Variants in ATAD5 observed in about 807,000 individuals in gnomAD.
The protein encoded by ATAD5 is ATPase family AAA domain-containing protein 5.
ATAD5 carries 58 observed loss-of-function variants against 176.9 expected under a neutral mutation model. That is an observed-to-expected ratio of 0.33 (90% confidence interval 0.27 to 0.41). The LOEUF is 0.41. Among genes scored for constraint, ATAD5 ranks in the 10% least tolerant of loss-of-function variants. The pLI is 1.00. For missense variants in ATAD5, 1,789 were observed against 2,094.1 expected, an observed-to-expected ratio of 0.85 and a Z score of 2.84; for synonymous variants, 640 against 712.6, an observed-to-expected ratio of 0.90 and a Z score of 1.62.
Position 30,893,680 on chromosome 17 carries a change from A to C in ATAD5, c.4827A>C (p.Glu1609Asp). Reference protein sequence around the residue: ...SNAEESKTGDEESKARDKGNN... With the variant: ...SNAEESKTGDDESKARDKGNN... Reference sequence around the variant, plus strand: ...CAGAAGAAAGCAAAACCGGAGACGAAGAAAGCAAAGCCAGAGACAAAGGAA... The same window carrying C: ...CAGAAGAAAGCAAAACCGGAGACGACGAAAGCAAAGCCAGAGACAAAGGAA... The change falls in exon 21 of 23, where the codon GAA (glutamate) becomes GAC (aspartate). Residue 1609 changes from glutamate to aspartate, a missense_variant. By Grantham distance (45) the Glu-to-Asp change is conservative (BLOSUM62 2). Around this residue, in one of 6 missense-constraint regions of ATAD5, gnomAD observed 403 missense variants for 495.1 expected, o/e 0.81. Coordinates refer to ENST00000321990, the MANE Select transcript of ATAD5 (RefSeq NM_024857.5). 6.2e-7 allele frequency: 1 copy of C among 1,613,386 alleles called. No homozygotes were observed. Among genetic ancestry groups the C allele is most frequent in the Non-Finnish European group, 8.5e-7 (1 of 1,179,764 alleles).
intron 6 of ATAD5, among the ~76,000 whole-genome samples, chr17:30,846,396 G>GTTTTTTTT (rs11324585): frequency 7.0e-6 from 1 of 143,272 alleles, no homozygotes; most frequent in Non-Finnish European, 1.5e-5. Flanking sequence ...AGAGTTTGAG[G>GTTTTTTTT]TTTTTTTTTT....
intron 9 of ATAD5, among the ~76,000 whole-genome samples, chr17:30,860,222 C>T (rs955048073): frequency 6.6e-6 from 1 of 152,104 alleles, no homozygotes; most frequent in Non-Finnish European, 1.5e-5. Flanking sequence ...TGGAGTTTCC[C>T]CATGTTACCG....
chr17:30,858,220 T>C lies in ATAD5; in HGVS notation c.2853T>C (p.Ile951=). 6.3e-7 allele frequency: 1 copy of C among 1,596,676 alleles called. No homozygotes were observed. Among genetic ancestry groups the C allele is most frequent in the Admixed American group, 1.7e-5 (1 of 57,422 alleles). Residue 951 remains isoleucine, a synonymous_variant, in exon 9 of 23, where the codon ATT becomes ATC. Coordinates refer to ENST00000321990, the MANE Select transcript of ATAD5 (RefSeq NM_024857.5). ...TAAGAAATCTTTTGCTTGAGGAAAT[T>C]AGGTGGTCAAATCCTGAATTTTCAT... is the stretch of plus-strand genomic sequence containing the variant. ...EEVRNLLLEE[I]RWSNPEFSLK... is the part of the protein sequence containing the mutation.
chr17:30,850,833 TTA>T (rs1312470807), intron 6 of ATAD5, among the ~76,000 whole-genome samples: 748 of 27,758 alleles, frequency 0.027, 5 homozygotes, highest in Non-Finnish European at 0.033. Context: ...TTATATATTT[TTA>T]TATATATATA....
chr17:30,880,523 G>A (rs527428113), intron 18 of ATAD5, among the ~76,000 whole-genome samples: 1 of 151,568 alleles, frequency 6.6e-6, no homozygotes, highest in African/African-American at 2.4e-5. Context: ...CAGGAGAATC[G>A]CTTGAATTTG....
At position 30,860,564 on chromosome 17, in the gene ATAD5, C is replaced by G; in HGVS notation, c.3088C>G (p.Leu1030Val). The G allele has an allele frequency of 6.3e-7, 1 of 1,586,158 alleles. No homozygotes were observed. The highest frequency in any genetic ancestry group is 8.5e-7 in the Non-Finnish European group (1 of 1,173,742). Residue 1030 changes from leucine (L) to valine (V), a missense_variant, in exon 10 of 23, where the codon CTT becomes GTT. Leu to Val is a conservative substitution (Grantham distance 32). Transcript: ENST00000321990. ...GAAGACCAATAGGAAGTCAGAAGAA[C>G]TTAGCAAAAGAAACAACTCTTCTGG... ...LEKTNRKSEE[L>V]SKRNNSSGIK...
At chr17:30,867,265 T>A (rs1908054094) in intron 11 of ATAD5, among the ~76,000 whole-genome samples, 1 of 152,022 alleles carries the variant, frequency 6.6e-6, no homozygotes, top group African/African-American at 2.4e-5. Context: ...CTGGGAATGA[T>A]GGCGCCCACT....
chr17:30,839,665 G>A (rs549507592), intron 3 of ATAD5, among the ~76,000 whole-genome samples: 4 of 9,734 alleles, frequency 4.1e-4, no homozygotes, highest in East Asian at 5.7e-3. Context: ...CTGCAACCTC[G>A]GCTTCCTGGG....
At chr17:30,833,439 C>T (rs189758885) in intron 1 of ATAD5, among the ~76,000 whole-genome samples, 1 of 151,960 alleles carries the variant, frequency 6.6e-6, no homozygotes, top group East Asian at 1.9e-4. Context: ...TAATAGCAAC[C>T]CTATGATCTA....
chr17:30,885,623 CTTTTTTTT>C (rs778733612), intron 18 of ATAD5, among the ~76,000 whole-genome samples: 41 of 93,800 alleles, frequency 4.4e-4, no homozygotes, highest in African/African-American at 1.0e-3. Context: ...TTCCAACTTT[CTTTTTTTT>C]TTTTTTTTTT....
chr17:30,858,312 A>T lies in ATAD5; in HGVS notation c.2945A>T (p.His982Leu), dbSNP rs1286705545. The T allele has an allele frequency of 5.9e-6, 9 of 1,532,698 alleles. No homozygotes were observed. Among genetic ancestry groups the T allele is most frequent in the African/African-American group, 1.4e-5 (1 of 71,926 alleles). The allele number at this position is 1,532,698 out of a possible 1,614,324, so 94.9% of individuals were successfully genotyped here. Residue 982 changes from histidine to leucine, a missense_variant, in exon 9 of 23, where the codon CAT (histidine) becomes CTT (leucine). Coordinates refer to ENST00000321990, the MANE Select transcript of ATAD5 (RefSeq NM_024857.5). ...IEHQVLSSEC[H>L]SKQELEADVS... The stretch of plus-strand genomic sequence containing the variant: ...CACCAAGTACTTTCTTCCGAGTGTC[A>T]TAGTAAACAAGGTTAGTGATAATTA...
Position 30,834,214 on chromosome 17 carries a change from C to A in ATAD5, c.133C>A (p.Pro45Thr). Residue 45 changes from proline to threonine, a missense_variant, in exon 2 of 23, where the codon CCA (proline) becomes ACA (threonine). Physicochemically the swap from Pro to Thr is conservative, Grantham distance 38 (BLOSUM62 -1). Transcript: ENST00000321990. ...TCKTITKYLS[P>T]LGKTRDRVFA... Reference sequence around the variant, plus strand: ...CAAAACAATTACAAAATATTTATCACCACTAGGGAAGACTAGAGACAGGGT... The same window carrying A: ...CAAAACAATTACAAAATATTTATCAACACTAGGGAAGACTAGAGACAGGGT... 6.2e-7 allele frequency: 1 copy of A among 1,609,642 alleles called. No homozygotes were observed. Among genetic ancestry groups the A allele is most frequent in the Non-Finnish European group, 8.5e-7 (1 of 1,178,824 alleles).
At chr17:30,833,208 G>C (rs1348086551) in intron 1 of ATAD5, among the ~76,000 whole-genome samples, 1 of 121,854 alleles carries the variant, frequency 8.2e-6, no homozygotes, top group African/African-American at 2.8e-5. Flanking sequence ...CTACTTAGTT[G>C]TTATGCTGAT....
At position 30,893,981 on chromosome 17, in the gene ATAD5, G is replaced by A. The variant is rs746544793; in HGVS notation, c.5128G>A (p.Ala1710Thr). Residue 1710 changes from alanine to threonine, a missense_variant, in exon 21 of 23, where the codon GCA becomes ACA. Physicochemically the swap from Ala to Thr is moderately conservative, Grantham distance 58. Transcript: ENST00000321990. The stretch of plus-strand genomic sequence containing the variant: ...TTCTCAAAGCTCTGGAGAATTAAAG[G>A]CAGCTGCAGAAGCTCTCAGCTTTAC... ...WTSQSSGELK[A>T]AAEALSFTKC... 1.2e-6 allele frequency: 2 copies of A among 1,614,006 alleles called. No homozygotes were observed. The highest frequency in any genetic ancestry group is 1.7e-6 in the Non-Finnish European group (2 of 1,179,928).
chr17:30,844,756 AAAAAAAAAAAAAAAAAG>A (rs1906380447), intron 5 of ATAD5, 62 bp from the exon 6 acceptor site: 1 of 848,206 alleles, frequency 1.2e-6, no homozygotes, highest in Non-Finnish European at 1.7e-6. Context: ...TCAAAAAAAA[AAAAAAAAAAAAAAAAAG>A]AAAGTAGCTG....
At position 30,856,936 on chromosome 17, in the gene ATAD5, T is replaced by C; in HGVS notation, c.2636-19T>C. 1 of 1,554,224 alleles carries C rather than the reference T, an allele frequency of 6.4e-7. No homozygotes were observed. Among genetic ancestry groups the C allele is most frequent in the Non-Finnish European group, 8.6e-7 (1 of 1,157,496 alleles). The stretch of plus-strand genomic sequence containing the variant: ...TGTATAAATAAGGTTTATTAAGATA[T>C]TTGTCTATTTTTCTTTAGGGTGTTG... On this transcript the variant is annotated intron_variant, in intron 7 of 22. Transcript: ENST00000321990.
intron 14 of ATAD5, among the ~76,000 whole-genome samples, chr17:30,870,787 T>C (rs1908291291): frequency 6.6e-6 from 1 of 152,178 alleles, no homozygotes; most frequent in African/African-American, 2.4e-5. Context: ...ATATATAATA[T>C]GTTTCACCTC....
intron 18 of ATAD5, among the ~76,000 whole-genome samples, chr17:30,883,381 C>T (rs1909138372): frequency 6.6e-6 from 1 of 152,232 alleles, no homozygotes; most frequent in African/African-American, 2.4e-5. Flanking sequence ...CCTGCCTCAG[C>T]CTCCCGAAGT....
chr17:30,836,970 T>C (rs1387074313), intron 2 of ATAD5, among the ~76,000 whole-genome samples: 2 of 152,184 alleles, frequency 1.3e-5, no homozygotes, highest in African/African-American at 4.8e-5. Flanking sequence ...GGTTCTTTGC[T>C]GTCTATCTAT....
Sources: allele counts gnomAD v4.1 joint callset (sites outside exome capture counted in the v4.1 genomes callset), GRCh38; gene constraint gnomAD v4.1.1; regional missense constraint gnomAD v4.1.1; transcripts MANE v1.5; gene names NCBI Gene and HGNC (gene_info 2026-07-23, HGNC 2026-07-21).